Variants in SRRM3 observed in about 807,000 individuals in gnomAD.
SRRM3 encodes serine/arginine repetitive matrix 3, also known as serine/arginine repetitive matrix protein 3.
Under a neutral mutation model 66.2 loss-of-function variants are expected in SRRM3, and 27 were observed. The ratio of observed to expected loss-of-function variants is 0.41; its 90% confidence interval spans 0.30 to 0.56. The LOEUF (loss-of-function observed/expected upper bound fraction) is 0.56. Among genes scored for constraint, SRRM3 ranks in the 20% least tolerant of loss-of-function variants. The pLI is 0.32. For missense variants in SRRM3, 918 were observed against 991.9 expected (o/e 0.93, Z 1.00); for synonymous variants, 391 against 414.9 (o/e 0.94, Z 0.70).
intron 10 of SRRM3, among the ~76,000 whole-genome samples, chr7:76,266,333 T>C (rs1489565252): frequency 8.6e-6 from 1 of 116,666 alleles, no homozygotes; most frequent in African/African-American, 3.6e-5. Flanking sequence ...TAAATATTAA[T>C]ATATATTTCA....
At chr7:76,220,882 A>G (rs1190951901) in intron 1 of SRRM3, among the ~76,000 whole-genome samples, 1 of 152,116 alleles carries the variant, frequency 6.6e-6, no homozygotes, top group Admixed American at 6.6e-5. Flanking sequence ...CAAGGCTTTC[A>G]GCAGTTCCCC....
intron 1 of SRRM3, among the ~76,000 whole-genome samples, chr7:76,204,806 C>T (rs373911707): frequency 1.3e-5 from 2 of 152,298 alleles, no homozygotes; most frequent in South Asian, 4.2e-4. Context: ...GGTGCAGTGG[C>T]TCACACTTGT....
intron 2 of SRRM3, among the ~76,000 whole-genome samples, chr7:76,236,735 C>T (rs1268064986): frequency 1.3e-5 from 2 of 152,206 alleles, no homozygotes; most frequent in Non-Finnish European, 2.9e-5. Context: ...TGATGCTCAC[C>T]TCACCCAGAG....
chr7:76,210,346 TG>T (rs1800400899), intron 1 of SRRM3, among the ~76,000 whole-genome samples: 1 of 152,342 alleles, frequency 6.6e-6, no homozygotes, highest in East Asian at 1.9e-4. Context: ...GGGGAAGTCC[TG>T]TCTTCCCTCT....
Position 76,286,089 on chromosome 7 carries a change from G to T in SRRM3, c.*246G>T, listed in dbSNP as rs1802666829. The stretch of plus-strand genomic sequence containing the variant: ...CCTCCTGTCCACCCACTGTGCCCGG[G>T]GAACAAAGAGCCGTTACGAACACAG... On this transcript the variant is annotated 3_prime_UTR_variant, in exon 15 of 15. Coordinates refer to ENST00000611745, the MANE Select transcript of SRRM3 (RefSeq NM_001110199.3). The T allele has an allele frequency of 2.1e-5, 12 of 574,788 alleles. 1 individual carries two copies. The South Asian group carries it at 2.9e-4, about 14-fold the overall frequency. The allele number at this position is 574,788 out of a possible 1,614,324, so 35.6% of individuals were successfully genotyped here. A position where few individuals can be genotyped will look rare whatever the true frequency, so the allele number is the denominator to read the frequency against.
intron 1 of SRRM3, among the ~76,000 whole-genome samples, chr7:76,215,114 T>C (rs1554602366): frequency 6.6e-6 from 1 of 150,880 alleles, no homozygotes; most frequent in African/African-American, 2.4e-5. Flanking sequence ...TAAACTGTGA[T>C]AAAATGATCA....
chr7:76,222,624 ATTTTT>A (rs1256972233), intron 1 of SRRM3, among the ~76,000 whole-genome samples: 2 of 151,482 alleles, frequency 1.3e-5, no homozygotes, highest in East Asian at 3.9e-4. Context: ...TGTTTTTTTA[ATTTTT>A]TTAATTTTTT....
At chr7:76,270,948 C>G (rs1020952288) in intron 11 of SRRM3, among the ~76,000 whole-genome samples, 1 of 150,282 alleles carries the variant, frequency 6.7e-6, no homozygotes, top group Non-Finnish European at 1.5e-5. Context: ...GCACTCCAGC[C>G]TGGATGACAA....
chr7:76,232,233 G>A lies in SRRM3; in HGVS notation c.-39-2795G>A, dbSNP rs148553768. On this transcript the variant is annotated intron_variant, in intron 1 of 14. Transcript: ENST00000611745. Reference sequence around the variant, plus strand: ...CCTTTGAACCCACAGCAACAACAGCGAGAACTCTGGGAGGTAAGGCCAGGA... The same window carrying A: ...CCTTTGAACCCACAGCAACAACAGCAAGAACTCTGGGAGGTAAGGCCAGGA... Among the ~76,000 whole-genome samples the A allele has an allele frequency of 1.3e-3, 197 of 152,172 alleles. 8 individuals carry two copies. In the South Asian group the frequency reaches 0.036, roughly 28 times the overall value.
chr7:76,236,868 C>T (rs182253545), intron 2 of SRRM3, among the ~76,000 whole-genome samples: 9 of 151,946 alleles, frequency 5.9e-5, no homozygotes, highest in East Asian at 3.9e-4. Context: ...CTGTGGGTAC[C>T]GGAAGAGGGA....
chr7:76,208,902 G>GGAGGGAGA (rs1800364898), intron 1 of SRRM3, among the ~76,000 whole-genome samples: 1 of 150,358 alleles, frequency 6.7e-6, no homozygotes, highest in Non-Finnish European at 1.5e-5. Flanking sequence ...AGGGAGGGAG[G>GGAGGGAGA]GAGGGAGAGA....
At chr7:76,228,411 A>G (rs1207456503) in intron 1 of SRRM3, among the ~76,000 whole-genome samples, 7 of 152,068 alleles carry the variant, frequency 4.6e-5, no homozygotes, top group Non-Finnish European at 5.9e-5. Context: ...TCAAATCAGA[A>G]ACTCTGGGGG....
At chr7:76,262,867 AAAAGGG>A (rs1237657855) in intron 8 of SRRM3, among the ~76,000 whole-genome samples, 2 of 152,014 alleles carry the variant, frequency 1.3e-5, no homozygotes, top group Admixed American at 1.3e-4. Flanking sequence ...AAAAGAAGGG[AAAAGGG>A]AAAGGAGAGG....
intron 1 of SRRM3, among the ~76,000 whole-genome samples, chr7:76,211,832 T>TATA (rs1554601739): frequency 7.2e-6 from 1 of 139,770 alleles, no homozygotes; most frequent in Non-Finnish European, 1.5e-5. Context: ...TTATTATTAT[T>TATA]ATTATTATTA....
chr7:76,208,463 G>A (rs1275526204), intron 1 of SRRM3, among the ~76,000 whole-genome samples: 2 of 150,402 alleles, frequency 1.3e-5, no homozygotes, highest in African/African-American at 4.9e-5. Context: ...GAGCCCAGGA[G>A]TTGAAGACCA....
intron 2 of SRRM3, among the ~76,000 whole-genome samples, chr7:76,239,222 C>T (rs1007291099): frequency 4.0e-5 from 6 of 151,880 alleles, no homozygotes; most frequent in Non-Finnish European, 8.8e-5. Context: ...TTAGTAGAAA[C>T]GGGGTTTCAC....
At chr7:76,264,425 C>T (rs1801959622) in intron 8 of SRRM3, among the ~76,000 whole-genome samples, 1 of 152,150 alleles carries the variant, frequency 6.6e-6, no homozygotes, top group Non-Finnish European at 1.5e-5. Flanking sequence ...CTCAGCCTCC[C>T]AAAGTGCTGA....
At position 76,285,803 on chromosome 7, in the gene SRRM3, G is replaced by C. The variant is rs782174489; in HGVS notation, c.1922G>C (p.Ser641Thr). 2.7e-4 allele frequency: 421 copies of C among 1,550,734 alleles called. No homozygotes were observed. The highest frequency in any genetic ancestry group is 3.7e-4 in the South Asian group (31 of 84,020). ...AGCCCCTCGAGGACCCCCAGTCCCA[G>C]CTACCACAGCCGGAGCAGCTCTGAG... is the stretch of plus-strand genomic sequence containing the variant. ...TRSPSRTPSPSYHSRSSSESG... is the reference protein window; with the variant it reads ...TRSPSRTPSPTYHSRSSSESG... Residue 641 changes from serine to threonine, a missense_variant, in exon 15 of 15, where the codon AGC (serine) becomes ACC (threonine). Transcript: ENST00000611745. The surrounding 1 kb of genome is among the most constrained non-coding windows in gnomAD (Gnocchi z 4.1).
chr7:76,229,396 A>G, intron 1 of SRRM3, among the ~76,000 whole-genome samples: 1 of 152,176 alleles, frequency 6.6e-6, no homozygotes, highest in South Asian at 2.1e-4. Flanking sequence ...CTAGCTAAAC[A>G]TCACTACTTC....
Sources: allele counts gnomAD v4.1 joint callset (sites outside exome capture counted in the v4.1 genomes callset), GRCh38; gene constraint gnomAD v4.1.1; non-coding constraint Gnocchi (gnomAD v3.1); transcripts MANE v1.5; gene names NCBI Gene and HGNC (gene_info 2026-07-23, HGNC 2026-07-21).